The following IQGAP1 variants were observed in gnomAD, a reference collection of about 807,000 sequenced individuals.
IQGAP1 encodes the protein IQ motif containing GTPase activating protein 1, also known as ras GTPase-activating-like protein IQGAP1.
IQGAP1 carries 66 observed loss-of-function variants against 215.6 expected under a neutral mutation model. The ratio of observed to expected loss-of-function variants is 0.31; its 90% confidence interval spans 0.25 to 0.38. The LOEUF is 0.38. Among genes scored for constraint, IQGAP1 ranks in the 10% least tolerant of loss-of-function variants. The probability of loss-of-function intolerance (pLI) is 1.00; values close to 1 mark genes in which losing one functional copy is unlikely to be tolerated. For missense variants in IQGAP1, 1,712 were observed against 1,997.1 expected, an observed-to-expected ratio of 0.86 and a Z score of 2.72; for synonymous variants, 772 against 728.7, an observed-to-expected ratio of 1.06 and a Z score of -0.96.
In IQGAP1 at chr15:90,441,696, A is replaced by G; in HGVS notation, c.828+12A>G. 3 of 1,558,020 alleles carry G rather than the reference A, an allele frequency of 1.9e-6. No homozygotes were observed. In the Middle Eastern group the frequency reaches 5.1e-4, roughly 265 times the overall value. On this transcript the variant is annotated intron_variant, in intron 8 of 37. Coordinates refer to ENST00000268182, the MANE Select transcript of IQGAP1 (RefSeq NM_003870.4). ...ATGCTAAAAACAGGGTAAAAATGCA[A>G]CATCTATTCTTTCTAATTAATTTAT...
chr15:90,477,555 GGAATGTTTCGAGA>G, intron 25 of IQGAP1, 97 bp from the exon 26 acceptor site: 2 of 808,376 alleles, frequency 2.5e-6, no homozygotes, highest in Non-Finnish European at 4.1e-6. Context: ...TGAGTGCTGG[GGAATGTTTCGAGA>G]GAAACTGTTT....
At position 90,456,252 on chromosome 15, in the gene IQGAP1, C is replaced by T. The variant is rs1855115401; in HGVS notation, c.1713C>T (p.Val571=). The change falls in exon 15 of 38, where the codon GTC becomes GTT. Residue 571 remains valine (V), a synonymous_variant. Coordinates refer to ENST00000268182, the MANE Select transcript of IQGAP1 (RefSeq NM_003870.4). ...LQIPAAKLEG[V]LAEVAQHYQD... ...TTCCTGCAGCTAAACTTGAGGGAGT[C>T]CTTGCAGAAGTGGCCCAGCATTACC... The T allele has an allele frequency of 1.2e-6, 2 of 1,613,930 alleles. No homozygotes were observed. The highest frequency in any genetic ancestry group is 3.3e-5 in the Admixed American group (2 of 59,988).
intron 9 of IQGAP1, among the ~76,000 whole-genome samples, chr15:90,443,996 A>G (rs746544919): frequency 8.6e-5 from 13 of 152,008 alleles, no homozygotes; most frequent in African/African-American, 1.2e-4. Flanking sequence ...CCTGGGAGGC[A>G]TAGGTTGCAG....
intron 2 of IQGAP1, among the ~76,000 whole-genome samples, chr15:90,414,353 T>G (rs2151008722): frequency 6.6e-6 from 1 of 152,088 alleles, no homozygotes; most frequent in East Asian, 1.9e-4. Context: ...AAAATAAAAA[T>G]TAGAAAAAGA....
chr15:90,453,331 GCTGTTAACC>G (rs1221993116), intron 13 of IQGAP1, 39 bp downstream of exon 13: 10 of 1,508,258 alleles, frequency 6.6e-6, no homozygotes, highest in Non-Finnish European at 9.0e-6. Flanking sequence ...CCATTACGTA[GCTGTTAACC>G]CTGTCTTTTG....
intron 7 of IQGAP1, among the ~76,000 whole-genome samples, chr15:90,440,895 G>A (rs1965439671): frequency 6.6e-6 from 1 of 152,122 alleles, no homozygotes; most frequent in Admixed American, 6.5e-5. Context: ...GATCACCTGA[G>A]GTCAGGAGTT....
At chr15:90,436,534 A>G (rs1347819160) in intron 5 of IQGAP1, among the ~76,000 whole-genome samples, 1 of 152,238 alleles carries the variant, frequency 6.6e-6, no homozygotes, top group African/African-American at 2.4e-5. Context: ...CAGAAAAGAT[A>G]ATTAGAATCC....
chr15:90,410,289 G>A (rs1443278452), intron 2 of IQGAP1, among the ~76,000 whole-genome samples: 6 of 152,140 alleles, frequency 3.9e-5, no homozygotes, highest in Admixed American at 3.9e-4. Context: ...AATTCCTCAA[G>A]GATCTAGAAC....
chr15:90,476,369 A>G (rs1042008324), intron 23 of IQGAP1, among the ~76,000 whole-genome samples: 4 of 152,166 alleles, frequency 2.6e-5, no homozygotes, highest in East Asian at 1.9e-4. Flanking sequence ...TAATGTTTCA[A>G]TATATATGTA....
At chr15:90,446,173 ATT>A in intron 9 of IQGAP1, among the ~76,000 whole-genome samples, 1 of 152,154 alleles carries the variant, frequency 6.6e-6, no homozygotes, top group African/African-American at 2.4e-5. Flanking sequence ...TACATAAAAT[ATT>A]TTTTGTTTTA....
intron 26 of IQGAP1, among the ~76,000 whole-genome samples, chr15:90,480,901 C>G (rs528050555): frequency 2.0e-4 from 30 of 152,292 alleles, no homozygotes; most frequent in Non-Finnish European, 1.5e-5. Flanking sequence ...CTCCTGACCT[C>G]AGGTGATCCA....
intron 2 of IQGAP1, among the ~76,000 whole-genome samples, chr15:90,398,937 G>A (rs1964764060): frequency 6.6e-6 from 1 of 150,774 alleles, no homozygotes; most frequent in Admixed American, 6.6e-5. Flanking sequence ...ACTGGGAGGT[G>A]GAGGTTGCAG....
intron 2 of IQGAP1, among the ~76,000 whole-genome samples, chr15:90,422,681 A>C (rs1453962537): frequency 8.4e-6 from 1 of 119,736 alleles, no homozygotes; most frequent in South Asian, 2.7e-4. Flanking sequence ...TATATATATA[A>C]TTTTTGAGAC....
At chr15:90,448,538 T>C in intron 9 of IQGAP1, 35 bp from the exon 10 acceptor site, 1 of 1,539,958 alleles carries the variant, frequency 6.5e-7, no homozygotes, top group Non-Finnish European at 8.8e-7. Flanking sequence ...TCTGTTAACA[T>C]AGTCCTTTCA....
At position 90,501,853 on chromosome 15, in the gene IQGAP1, G is replaced by A. The variant is rs1043843991; in HGVS notation, c.*1745G>A. On this transcript the variant is annotated 3_prime_UTR_variant, in exon 38 of 38. Transcript: ENST00000268182. ...ATCCCAAAGGCCACATCCAAGACAG[G>A]CAATAATGAGCAGAGTTTACAGCTC... 1 of 152,148 alleles carries A rather than the reference G, an allele frequency of 6.6e-6. No individual in the cohort carries two copies. Among genetic ancestry groups the A allele is most frequent in the Non-Finnish European group, 1.5e-5 (1 of 68,044 alleles). The allele number at this position is 152,148 out of a possible 1,614,324, so 9.4% of individuals were successfully genotyped here. A position where few individuals can be genotyped will look rare whatever the true frequency, so the allele number is the denominator to read the frequency against.
intron 3 of IQGAP1, among the ~76,000 whole-genome samples, chr15:90,426,520 G>T (rs1182716925): frequency 6.8e-6 from 1 of 147,406 alleles, no homozygotes; most frequent in African/African-American, 2.5e-5. Context: ...AAAAAAATAT[G>T]TACTAGGAAA....
chr15:90,394,965 A>G (rs544575128), intron 2 of IQGAP1, among the ~76,000 whole-genome samples: 27 of 152,338 alleles, frequency 1.8e-4, no homozygotes, highest in Non-Finnish European at 2.8e-4. Context: ...GTAAGAGAGT[A>G]TAAGTGTAGA....
intron 4 of IQGAP1, among the ~76,000 whole-genome samples, chr15:90,432,932 CT>C (rs1209827480): frequency 6.6e-6 from 1 of 152,194 alleles, no homozygotes. Context: ...TAAATCTACT[CT>C]GTTCCTATCC....
rs1965830550 is a variant in IQGAP1, at chr15:90,466,335, C to T, written c.1934C>T (p.Ala645Val). Residue 645 changes from alanine to valine, a missense_variant, in exon 17 of 38, where the codon GCC (alanine) becomes GTC (valine). Ala to Val is a moderately conservative substitution (Grantham distance 64). Transcript: ENST00000268182. ...GGTGATGTTGGCAAAACACTGAGTGCCCTTCGCTCCCCTGATGTTGGCTTG... is the reference window on the plus strand; with the variant it reads ...GGTGATGTTGGCAAAACACTGAGTGTCCTTCGCTCCCCTGATGTTGGCTTG... The part of the protein sequence containing the change: ...ESGDVGKTLS[A>V]LRSPDVGLYG... 1.9e-6 allele frequency: 3 copies of T among 1,613,940 alleles called. No individual in the cohort carries two copies. The highest frequency in any genetic ancestry group is 1.7e-5 in the Admixed American group (1 of 59,994).
Sources: allele counts gnomAD v4.1 joint callset (sites outside exome capture counted in the v4.1 genomes callset), GRCh38; gene constraint gnomAD v4.1.1; transcripts MANE v1.5; gene names NCBI Gene and HGNC (gene_info 2026-07-23, HGNC 2026-07-21).